The following PTPRD variants were observed in gnomAD, a reference collection of about 807,000 sequenced individuals.
PTPRD encodes protein tyrosine phosphatase receptor type D.
A neutral mutation model predicts 214.5 loss-of-function variants in PTPRD; 34 were observed. The ratio of observed to expected loss-of-function variants is 0.16; its 90% CI spans 0.12 to 0.21. PTPRD has a LOEUF of 0.21. Among genes scored for constraint, PTPRD ranks in the 10% least tolerant of loss-of-function variants. PTPRD has a pLI of 1.00. For synonymous variants in PTPRD, 1,128 were observed against 845.7 expected, an observed-to-expected ratio of 1.33 and a Z score of -5.79; for missense variants, 2,545 against 2,398.7, an observed-to-expected ratio of 1.06 and a Z score of -1.27.
At chr9:9,318,996 T>A (rs1262954056) in intron 9 of PTPRD, among the ~76,000 whole-genome samples, 1 of 152,212 alleles carries the variant, frequency 6.6e-6, no homozygotes, top group Non-Finnish European at 1.5e-5. Flanking sequence ...TCTATCATTA[T>A]AAGAAACACA....
At chr9:8,837,795 G>A (rs1033642089) in intron 11 of PTPRD, among the ~76,000 whole-genome samples, 1 of 152,056 alleles carries the variant, frequency 6.6e-6, no homozygotes. Context: ...AGCCACCGCA[G>A]CCAGCCTGAT....
intron 2 of PTPRD, among the ~76,000 whole-genome samples, chr9:10,600,700 T>C (rs912682163): frequency 6.6e-6 from 1 of 151,802 alleles, no homozygotes; most frequent in Non-Finnish European, 1.5e-5. Flanking sequence ...GATCAATTTG[T>C]TGTGCAGAAT....
chr9:8,918,282 G>C (rs945706781), intron 11 of PTPRD, among the ~76,000 whole-genome samples: 55 of 152,150 alleles, frequency 3.6e-4, no homozygotes, highest in African/African-American at 1.3e-3. Context: ...AGAGAAAGCA[G>C]ATCCTCTCTT....
intron 12 of PTPRD, among the ~76,000 whole-genome samples, chr9:8,719,425 G>A (rs187389593): frequency 5.3e-5 from 8 of 152,304 alleles, no homozygotes; most frequent in Admixed American, 3.3e-4. Flanking sequence ...AGTGATAAAG[G>A]AGGCTAATCA....
At chr9:8,544,786 G>A (rs915039406) in intron 14 of PTPRD, among the ~76,000 whole-genome samples, 3 of 151,536 alleles carry the variant, frequency 2.0e-5, no homozygotes, top group African/African-American at 7.3e-5. Context: ...TACTTTCAAT[G>A]GTAAAACAGC....
chr9:8,847,890 A>G (rs1488596278), intron 11 of PTPRD, among the ~76,000 whole-genome samples: 1 of 152,204 alleles, frequency 6.6e-6, no homozygotes, highest in African/African-American at 2.4e-5. Context: ...GCTGCCAATA[A>G]GCAGAATGCA....
At chr9:8,906,758 T>C (rs2098710610) in intron 11 of PTPRD, among the ~76,000 whole-genome samples, 1 of 151,992 alleles carries the variant, frequency 6.6e-6, no homozygotes, top group Non-Finnish European at 1.5e-5. Flanking sequence ...GCAGCTCTCT[T>C]AGCCTAAATT....
chr9:9,776,041 A>G (rs1344989044), intron 5 of PTPRD, among the ~76,000 whole-genome samples: 1 of 150,770 alleles, frequency 6.6e-6, no homozygotes, highest in Non-Finnish European at 1.5e-5. Flanking sequence ...ACCTAGGTTA[A>G]TATAAGCACT....
intron 12 of PTPRD, chr9:8,713,533 G>A (rs967963654): frequency 7.1e-6 from 9 of 1,267,734 alleles, no homozygotes; most frequent in Middle Eastern, 4.8e-4. Flanking sequence ...CCCGCTGCGG[G>A]TGAAGAACTT....
At chr9:8,648,034 C>T (rs1419022721) in intron 12 of PTPRD, among the ~76,000 whole-genome samples, 3 of 152,182 alleles carry the variant, frequency 2.0e-5, no homozygotes, top group African/African-American at 7.2e-5. Context: ...TCCAGAACAG[C>T]ATGCAATCCC....
At chr9:8,370,582 G>T (rs1280531316) in intron 39 of PTPRD, among the ~76,000 whole-genome samples, 2 of 152,080 alleles carry the variant, frequency 1.3e-5, no homozygotes, top group African/African-American at 4.8e-5. Context: ...TTAAAGAATG[G>T]AAAAGACTCA....
intron 2 of PTPRD, among the ~76,000 whole-genome samples, chr9:10,418,436 C>T (rs1479240276): frequency 1.4e-5 from 2 of 140,478 alleles, no homozygotes; most frequent in Non-Finnish European, 3.0e-5. Context: ...TAAAATGAAG[C>T]CTTCCCCTCT....
At chr9:10,320,438 A>G (rs1248731478) in intron 3 of PTPRD, among the ~76,000 whole-genome samples, 1 of 152,080 alleles carries the variant, frequency 6.6e-6, no homozygotes, top group East Asian at 1.9e-4. Context: ...AGAATAAAGC[A>G]TCATTATTTT....
chr9:9,383,368 G>T (rs1027398803), intron 9 of PTPRD, among the ~76,000 whole-genome samples: 1 of 151,962 alleles, frequency 6.6e-6, no homozygotes, highest in African/African-American at 2.4e-5. Context: ...ATGGCAGAAA[G>T]CATACTATGG....
intron 14 of PTPRD, among the ~76,000 whole-genome samples, chr9:8,609,749 A>C (rs2154288656): frequency 6.6e-6 from 1 of 152,304 alleles, no homozygotes; most frequent in African/African-American, 2.4e-5. Flanking sequence ...CCCTGCAATA[A>C]ATGATTTGCT....
intron 11 of PTPRD, among the ~76,000 whole-genome samples, chr9:8,856,227 T>C (rs1378249162): frequency 6.6e-6 from 1 of 152,160 alleles, no homozygotes; most frequent in Non-Finnish European, 1.5e-5. Context: ...TACAGATCCC[T>C]TTACATCAGA....
At chr9:9,170,122 T>C (rs945633312) in intron 10 of PTPRD, among the ~76,000 whole-genome samples, 5 of 152,198 alleles carry the variant, frequency 3.3e-5, no homozygotes, top group African/African-American at 2.4e-5. Context: ...AGCCAAACAA[T>C]AAATATCGCA....
chr9:9,840,643 G>C (rs554499585), intron 5 of PTPRD, among the ~76,000 whole-genome samples: 1 of 151,724 alleles, frequency 6.6e-6, no homozygotes, highest in African/African-American at 2.4e-5. Flanking sequence ...CGTGCCTGTA[G>C]TCCCAGCTAC....
chr9:10,065,180 A>AAAGAAAGG lies in PTPRD; in HGVS notation c.-544-31391_-544-31390insCCTTTCTT, dbSNP rs1555538044. 2.2e-3 allele frequency among the ~76,000 whole-genome samples: 326 copies of AAAGAAAGG among 150,306 alleles called. 4 individuals are homozygous for AAAGAAAGG. The highest frequency in any genetic ancestry group is 0.011 in the East Asian group (57 of 5,058). On this transcript the variant is annotated intron_variant, in intron 3 of 45. Transcript: ENST00000381196. Reference sequence around the variant, plus strand: ...GAAAGAAAGAAAGAAAGAAAGAAAGAAAGAAAGAAAGAAAAGGATGCTTTG... The same window carrying AAAGAAAGG: ...GAAAGAAAGAAAGAAAGAAAGAAAGAAAGAAAGGAAGAAAGAAAGAAAAGGATGCTTTG...
Sources: allele counts gnomAD v4.1 joint callset (sites outside exome capture counted in the v4.1 genomes callset), GRCh38; gene constraint gnomAD v4.1.1; transcripts MANE v1.5; gene names NCBI Gene and HGNC (gene_info 2026-07-23, HGNC 2026-07-21).